AUTS2: variants seen among roughly 807,000 people sequenced by gnomAD.
The protein encoded by AUTS2 is activator of transcription and developmental regulator AUTS2.
In AUTS2, 17 loss-of-function variants were observed where a neutral mutation model predicts 112.4. That is an observed-to-expected ratio of 0.15 (90% CI 0.10 to 0.23). AUTS2 has a LOEUF of 0.23. Ranked by LOEUF, AUTS2 falls within the 10% of genes least tolerant of loss-of-function variation. The probability of loss-of-function intolerance (pLI) is 1.00; values close to 1 mark genes in which losing one functional copy is unlikely to be tolerated. For missense variants in AUTS2, 1,510 were observed against 1,701.6 expected, an observed-to-expected ratio of 0.89 and a Z score of 1.98; for synonymous variants, 751 against 702.7, an observed-to-expected ratio of 1.07 and a Z score of -1.09.
chr7:70,700,666 A>G (rs1809402461), intron 6 of AUTS2, among the ~76,000 whole-genome samples: 1 of 152,198 alleles, frequency 6.6e-6, no homozygotes, highest in Non-Finnish European at 1.5e-5. Context: ...TCAAACTGCT[A>G]AATATCAGGA....
At chr7:70,624,028 G>GT (rs1314139725) in intron 5 of AUTS2, among the ~76,000 whole-genome samples, 1 of 152,242 alleles carries the variant, frequency 6.6e-6, no homozygotes, top group Non-Finnish European at 1.5e-5. Flanking sequence ...TACCAGGGAA[G>GT]TACCTACCTG....
intron 5 of AUTS2, among the ~76,000 whole-genome samples, chr7:70,654,400 AACTT>A (rs557224640): frequency 1.9e-4 from 29 of 152,328 alleles, no homozygotes; most frequent in Non-Finnish European, 4.0e-4. Flanking sequence ...GTTCCAATAA[AACTT>A]TATTTACAAA....
intron 5 of AUTS2, among the ~76,000 whole-genome samples, chr7:70,521,817 G>C (rs1485601574): frequency 1.3e-5 from 2 of 152,132 alleles, no homozygotes; most frequent in African/African-American, 4.8e-5. Context: ...ATTTCACTGA[G>C]ACTGGGGCTA....
chr7:70,709,197 G>A (rs1055360767), intron 6 of AUTS2, among the ~76,000 whole-genome samples: 13 of 152,070 alleles, frequency 8.5e-5, no homozygotes, highest in African/African-American at 2.4e-4. Context: ...GATTACAGGC[G>A]TGAGCCACCG....
chr7:69,824,103 C>T (rs1791127187), intron 1 of AUTS2, among the ~76,000 whole-genome samples: 1 of 151,872 alleles, frequency 6.6e-6, no homozygotes, highest in African/African-American at 2.4e-5. Flanking sequence ...TGTAAGTACT[C>T]AAATTATAGC....
intron 4 of AUTS2, among the ~76,000 whole-genome samples, chr7:70,362,099 C>T (rs939448547): frequency 6.6e-6 from 1 of 152,168 alleles, no homozygotes. Context: ...CTGATTTATG[C>T]AGAACTCGGG....
chr7:69,908,437 C>T (rs533506920), intron 2 of AUTS2, among the ~76,000 whole-genome samples: 2 of 152,216 alleles, frequency 1.3e-5, no homozygotes, highest in Non-Finnish European at 2.9e-5. Context: ...GGGCTTTTTA[C>T]ACCTAGGGGT....
chr7:70,415,498 A>G (rs1237990820), intron 4 of AUTS2, among the ~76,000 whole-genome samples: 9 of 152,204 alleles, frequency 5.9e-5, no homozygotes, highest in South Asian at 4.1e-4. Flanking sequence ...ATCTGAAGTC[A>G]TTGAAATAGG....
chr7:70,605,069 G>A (rs188625378), intron 5 of AUTS2, among the ~76,000 whole-genome samples: 1 of 152,160 alleles, frequency 6.6e-6, no homozygotes, highest in Non-Finnish European at 1.5e-5. Context: ...CACGCAAATG[G>A]TCATGATATC....
rs1215290664 is a variant in AUTS2, at chr7:70,439,530, C to T, written c.690+3749C>T. Among the ~76,000 whole-genome samples the T allele has an allele frequency of 8.4e-5, 11 of 131,408 alleles. No individual in the cohort carries two copies. In the South Asian group the frequency reaches 1.0e-3, roughly 12 times the overall value. The allele number at this position is 131,408 out of a possible 152,430, so 86.2% of individuals were successfully genotyped here. A position where few individuals can be genotyped will look rare whatever the true frequency, so the allele number is the denominator to read the frequency against. On this transcript the variant is annotated intron_variant, in intron 5 of 18. Transcript: ENST00000342771. The stretch of plus-strand genomic sequence containing the variant: ...CTCCAGCCTGGGCGACAGGGCGAGA[C>T]TCCATCTCAAAAAAAAAAAAAAAAA...
At chr7:70,356,183 T>C (rs1792000344) in intron 4 of AUTS2, among the ~76,000 whole-genome samples, 1 of 152,176 alleles carries the variant, frequency 6.6e-6, no homozygotes, top group African/African-American at 2.4e-5. Context: ...TAGGGTTAGG[T>C]GGAATTTTCT....
chr7:70,212,294 G>A (rs1381555687), intron 4 of AUTS2, among the ~76,000 whole-genome samples: 1 of 152,084 alleles, frequency 6.6e-6, no homozygotes, highest in East Asian at 1.9e-4. Flanking sequence ...CGCTTTTTCC[G>A]CAGTACAGGG....
rs1339745544 is a variant in AUTS2 at position 70,790,702 on chromosome 7, C to T, written c.3486C>T (p.Tyr1162=). The T allele has an allele frequency of 8.7e-6, 14 of 1,613,520 alleles. No individual in the cohort carries two copies. The highest frequency in any genetic ancestry group is 1.1e-5 in the South Asian group (1 of 91,080). Residue 1162 remains tyrosine (Y), a synonymous_variant, in exon 19 of 19, where the codon TAC becomes TAT. Transcript: ENST00000342771. The surrounding 1 kb of genome is among the most constrained non-coding windows in gnomAD (Gnocchi z 7.6). ...GCTTGCACATGCTCAGAGAAGACTA[C>T]GAGCACACGCGGCTCCACTCCGTGC... The part of the protein sequence containing the change: ...RERLHMLRED[Y]EHTRLHSVHP...
At chr7:69,761,441 C>G (rs1351469433) in intron 1 of AUTS2, among the ~76,000 whole-genome samples, 1 of 152,098 alleles carries the variant, frequency 6.6e-6, no homozygotes, top group Non-Finnish European at 1.5e-5. Context: ...CATTGTTGAT[C>G]TAGTGAGTTA....
intron 1 of AUTS2, among the ~76,000 whole-genome samples, chr7:69,699,369 G>A (rs563060947): frequency 6.6e-6 from 1 of 152,218 alleles, no homozygotes; most frequent in African/African-American, 2.4e-5. Context: ...TAAATAGTGT[G>A]TGTACTCTCC....
At chr7:69,781,337 C>T (rs1789135827) in intron 1 of AUTS2, among the ~76,000 whole-genome samples, 1 of 152,184 alleles carries the variant, frequency 6.6e-6, no homozygotes, top group African/African-American at 2.4e-5. Context: ...TTGCCCACTA[C>T]TGATAGTTTT....
intron 5 of AUTS2, among the ~76,000 whole-genome samples, chr7:70,696,718 T>A (rs1272008734): frequency 6.6e-6 from 1 of 152,104 alleles, no homozygotes; most frequent in Non-Finnish European, 1.5e-5. Flanking sequence ...AAAAACTTGG[T>A]CAGGAACCAT....
At chr7:69,823,186 G>T (rs1208119372) in intron 1 of AUTS2, among the ~76,000 whole-genome samples, 1 of 152,142 alleles carries the variant, frequency 6.6e-6, no homozygotes, top group Non-Finnish European at 1.5e-5. Flanking sequence ...TCTCTCCCTT[G>T]TCTTTGTCCC....
chr7:70,534,097 C>T (rs1800208383), intron 5 of AUTS2, among the ~76,000 whole-genome samples: 1 of 152,226 alleles, frequency 6.6e-6, no homozygotes, highest in Non-Finnish European at 1.5e-5. Flanking sequence ...TAAGAGGTCG[C>T]TCTGGTATTG....
Sources: allele counts gnomAD v4.1 joint callset (sites outside exome capture counted in the v4.1 genomes callset), GRCh38; gene constraint gnomAD v4.1.1; non-coding constraint Gnocchi (gnomAD v3.1); transcripts MANE v1.5; gene names NCBI Gene and HGNC (gene_info 2026-07-23, HGNC 2026-07-21).